The following CSMD1 variants were observed in gnomAD, a reference collection of about 807,000 sequenced individuals.
The protein encoded by CSMD1 is CUB and sushi domain-containing protein 1.
CSMD1 carries 213 observed loss-of-function variants against 417.5 expected under a neutral mutation model. That is an observed-to-expected ratio of 0.51 (90% CI 0.46 to 0.57). CSMD1 has a LOEUF of 0.57. CSMD1 is among the 20% of genes least tolerant of loss of function. The pLI is 0.00. For synonymous variants in CSMD1, 2,862 were observed against 1,736.8 expected (o/e 1.65, Z -16.11); for missense variants, 6,923 against 4,529.7 (o/e 1.53, Z -15.17).
chr8:4,250,294 C>G (rs1332426721), intron 3 of CSMD1, among the ~76,000 whole-genome samples: 2 of 152,166 alleles, frequency 1.3e-5, no homozygotes, highest in African/African-American at 4.8e-5. Context: ...CCCAGCTCAG[C>G]TTAGGAGTCC....
chr8:4,632,529 G>T lies in CSMD1; in HGVS notation c.302+4813C>A, dbSNP rs1802583049. On this transcript the variant is annotated intron_variant, in intron 2 of 69. Transcript: ENST00000635120. Reference sequence around the variant, plus strand: ...CTCCATCATGGGGGTAGGGGGAGCAGGGAAAAACTCAAGACGTTGGTAATC... The same window carrying T: ...CTCCATCATGGGGGTAGGGGGAGCATGGAAAAACTCAAGACGTTGGTAATC... Among the ~76,000 whole-genome samples the T allele has an allele frequency of 2.0e-5, 3 of 151,970 alleles. No homozygotes were observed. In the South Asian group the frequency reaches 6.2e-4, roughly 32 times the overall value.
intron 5 of CSMD1, among the ~76,000 whole-genome samples, chr8:3,877,412 C>G (rs2975348): frequency 6.6e-6 from 1 of 152,068 alleles, no homozygotes; most frequent in South Asian, 2.1e-4. Context: ...CATACAGGCT[C>G]AGAAGCGGAG....
chr8:3,129,190 C>G (rs1380754591), intron 41 of CSMD1, among the ~76,000 whole-genome samples: 1 of 152,068 alleles, frequency 6.6e-6, no homozygotes, highest in Non-Finnish European at 1.5e-5. Context: ...CCAGACTCTG[C>G]TATTGCAGGA....
chr8:4,788,611 A>T, intron 1 of CSMD1: 4 of 1,016,248 alleles, frequency 3.9e-6, no homozygotes, highest in Non-Finnish European at 5.7e-6. Flanking sequence ...TGAAATTTTT[A>T]GGGGAAAAAC....
At position 4,421,249 on chromosome 8, in the gene CSMD1, C is replaced by G. The variant is rs149237382; in HGVS notation, c.303-1184G>C. ...AAACGTTGCTTTAAGAAAGGAAAAACAAAAAACAAAAAACAGTGAGTTTAA... is the reference window on the plus strand; with the variant it reads ...AAACGTTGCTTTAAGAAAGGAAAAAGAAAAAACAAAAAACAGTGAGTTTAA... On this transcript the variant is annotated intron_variant, in intron 2 of 69. Coordinates refer to ENST00000635120, the MANE Select transcript of CSMD1 (RefSeq NM_033225.6). Among the ~76,000 whole-genome samples, 882 of 151,944 alleles carry G rather than the reference C, an allele frequency of 5.8e-3. 5 individuals are homozygous for G. The highest frequency in any genetic ancestry group is 8.7e-3 in the Non-Finnish European group (590 of 67,886).
intron 2 of CSMD1, among the ~76,000 whole-genome samples, chr8:4,605,121 C>A (rs1053114717): frequency 2.0e-5 from 3 of 152,280 alleles, no homozygotes; most frequent in East Asian, 1.9e-4. Context: ...TTAAAAATCA[C>A]TGAAATTAGT....
chr8:4,898,641 A>C (rs1804661390), intron 1 of CSMD1, among the ~76,000 whole-genome samples: 1 of 152,288 alleles, frequency 6.6e-6, no homozygotes, highest in African/African-American at 2.4e-5. Context: ...TTTTATGAAA[A>C]ATTTTTATGA....
At chr8:4,291,750 G>C (rs564954234) in intron 3 of CSMD1, among the ~76,000 whole-genome samples, 2 of 152,130 alleles carry the variant, frequency 1.3e-5, no homozygotes, top group Admixed American at 6.6e-5. Context: ...AAAAGTTAAA[G>C]AATATTAGGC....
At chr8:3,804,905 A>G (rs2129074140) in intron 5 of CSMD1, among the ~76,000 whole-genome samples, 1 of 152,252 alleles carries the variant, frequency 6.6e-6, no homozygotes, top group Non-Finnish European at 1.5e-5. Context: ...AAAAATGACT[A>G]CTTTAGAGTT....
intron 23 of CSMD1, among the ~76,000 whole-genome samples, chr8:3,310,286 T>C (rs1805224188): frequency 6.6e-6 from 1 of 152,246 alleles, no homozygotes; most frequent in African/African-American, 2.4e-5. Flanking sequence ...ATTTCTGTTT[T>C]CGCAGAGAGG....
chr8:3,953,005 TA>T (rs1383440683), intron 5 of CSMD1, among the ~76,000 whole-genome samples: 1 of 151,872 alleles, frequency 6.6e-6, no homozygotes, highest in Non-Finnish European at 1.5e-5. Context: ...TAACATTATT[TA>T]AAAAAATACA....
Position 4,887,613 on chromosome 8 carries a change from T to C in CSMD1, c.85+106719A>G, listed in dbSNP as rs187472359. 2.3e-4 allele frequency among the ~76,000 whole-genome samples: 35 copies of C among 152,170 alleles called. 2 individuals are homozygous for C. Among genetic ancestry groups the C allele is most frequent in the Admixed American group, 1.6e-3 (24 of 15,300 alleles). ...AATCTATTTCTGCTTTTTAATTCTA[T>C]TGGTTTTGCTTTATTTTCAATATTT... On this transcript the variant is annotated intron_variant, in intron 1 of 69. Transcript: ENST00000635120.
At chr8:3,572,636 G>C (rs1675501558) in intron 10 of CSMD1, among the ~76,000 whole-genome samples, 1 of 152,134 alleles carries the variant, frequency 6.6e-6, no homozygotes, top group African/African-American at 2.4e-5. Flanking sequence ...TTCAAGAAGA[G>C]TTCCTTCTGC....
chr8:4,800,324 G>A (rs537985497), intron 1 of CSMD1, among the ~76,000 whole-genome samples: 145 of 151,710 alleles, frequency 9.6e-4, no homozygotes, highest in African/African-American at 3.3e-3. Context: ...CCACCTACTC[G>A]TGAGGCTGAG....
At chr8:3,013,611 G>C (rs1808587282) in intron 52 of CSMD1, among the ~76,000 whole-genome samples, 1 of 152,050 alleles carries the variant, frequency 6.6e-6, no homozygotes. Context: ...AATTAGCCAG[G>C]TGTGGTGGTG....
chr8:4,911,111 C>T (rs909139266), intron 1 of CSMD1, among the ~76,000 whole-genome samples: 1 of 152,202 alleles, frequency 6.6e-6, no homozygotes, highest in Admixed American at 6.5e-5. Context: ...ACTGTAAGTC[C>T]ATTAAACCTC....
chr8:3,724,335 C>T (rs779809498), intron 6 of CSMD1, among the ~76,000 whole-genome samples: 2 of 152,032 alleles, frequency 1.3e-5, no homozygotes, highest in Non-Finnish European at 2.9e-5. Context: ...TCTCCCAATG[C>T]TATCCCGGGT....
In CSMD1 at chr8:3,720,190, C is replaced by T. The variant is rs145281364; in HGVS notation, c.932-11699G>A. 3.0e-3 allele frequency among the ~76,000 whole-genome samples: 452 copies of T among 152,328 alleles called. 1 individual carries two copies. Among genetic ancestry groups the T allele is most frequent in the African/African-American group, 0.01 (432 of 41,576 alleles). On this transcript the variant is annotated intron_variant, in intron 6 of 69. Transcript: ENST00000635120. ...AGGAAGCTGGGGATGAACCTCTCCACTCCCCAAGTAAGACGTCCATGGAGT... is the reference window on the plus strand; with the variant it reads ...AGGAAGCTGGGGATGAACCTCTCCATTCCCCAAGTAAGACGTCCATGGAGT...
intron 4 of CSMD1, among the ~76,000 whole-genome samples, chr8:4,004,306 T>C (rs986289800): frequency 1.3e-5 from 2 of 152,046 alleles, no homozygotes; most frequent in African/African-American, 4.8e-5. Context: ...GAATTCTTAA[T>C]CATAGTACGT....
Sources: allele counts gnomAD v4.1 joint callset (sites outside exome capture counted in the v4.1 genomes callset), GRCh38; gene constraint gnomAD v4.1.1; transcripts MANE v1.5; gene names NCBI Gene and HGNC (gene_info 2026-07-23, HGNC 2026-07-21).